GPN1: variants seen among roughly 807,000 people sequenced by gnomAD.
The protein encoded by GPN1 is GPN-loop GTPase 1.
GPN1 carries 44 observed loss-of-function variants against 55.9 expected under a neutral mutation model. The observed-to-expected ratio is 0.79, with a 90% CI of 0.62 to 1.01. The LOEUF is 1.01. Ranked by LOEUF, GPN1 falls within the 50% of genes least tolerant of loss-of-function variation. The pLI, the probability that GPN1 is intolerant of heterozygous loss-of-function variation, is 0.00. For synonymous variants in GPN1, 179 were observed against 162.5 expected, an observed-to-expected ratio of 1.10 and a Z score of -0.77; for missense variants, 466 against 462.8, an observed-to-expected ratio of 1.01 and a Z score of -0.06.
In GPN1 at chr2:27,636,909, G is replaced by A. The variant is rs554053444; in HGVS notation, c.525-1301G>A. On this transcript the variant is annotated intron_variant, in intron 7 of 13. Coordinates refer to ENST00000610189, the MANE Select transcript of GPN1 (RefSeq NM_007266.4). ...TGCTGCCCAGGCTGGTTTTGAACTC[G>A]TGGGCTCAGGCAGTCCTCCCAGCGT... is the stretch of plus-strand genomic sequence containing the variant. Among the ~76,000 whole-genome samples, 9 of 152,086 alleles carry A rather than the reference G, an allele frequency of 5.9e-5. No individual in the cohort carries two copies. In the East Asian group the frequency reaches 7.7e-4, roughly 13 times the overall value.
In GPN1 at chr2:27,643,573, A is replaced by G. The variant is rs962723918; in HGVS notation, c.931+1054A>G. On this transcript the variant is annotated intron_variant, in intron 12 of 13. Coordinates refer to ENST00000610189, the MANE Select transcript of GPN1 (RefSeq NM_007266.4). This position sits in a 1 kb window ranked among gnomAD's most constrained non-coding sequence, Gnocchi z 4.0. Reference sequence around the variant, plus strand: ...GCCATTTCCCCATGATAGCAGGAGAAAATCTGGATGTGCATTGTATTTAAT... The same window carrying G: ...GCCATTTCCCCATGATAGCAGGAGAGAATCTGGATGTGCATTGTATTTAAT... Among the ~76,000 whole-genome samples the G allele has an allele frequency of 5.9e-5, 9 of 152,314 alleles. No individual in the cohort carries two copies. Among genetic ancestry groups the G allele is most frequent in the African/African-American group, 2.2e-4 (9 of 41,564 alleles).
chr2:27,630,963 A>T (rs761923869), intron 2 of GPN1, 64 bp from the exon 3 acceptor site: 7 of 799,252 alleles, frequency 8.8e-6, no homozygotes, highest in African/African-American at 1.7e-5. Flanking sequence ...GGCCAGTTTT[A>T]CTTTCCTGGT....
At chr2:27,628,248 C>G (rs772690782), upstream of GPN1, 11 of 791,856 alleles carry the variant, frequency 1.4e-5, no homozygotes, top group Non-Finnish European at 2.0e-5. Context: ...TTACTGAACA[C>G]TGTTTGCAGC....
chr2:27,629,963 C>T lies in GPN1; in HGVS notation c.205+11C>T. 1 of 1,420,294 alleles carries T rather than the reference C, an allele frequency of 7.0e-7. No homozygotes were observed. Among genetic ancestry groups the T allele is most frequent in the Non-Finnish European group, 1.0e-6 (1 of 1,003,026 alleles). The allele number at this position is 1,420,294 out of a possible 1,614,324, so 88.0% of individuals were successfully genotyped here. On this transcript the variant is annotated intron_variant, in intron 2 of 13. Coordinates refer to ENST00000610189, the MANE Select transcript of GPN1 (RefSeq NM_007266.4). ...TTCCTGCCAATATTGGTGAGTAAAC[C>T]AGTAACATAACTTGTGTGCAGTGCT...
Position 27,642,549 on chromosome 2 carries a change from T to TA in GPN1, c.931+37dup, listed in dbSNP as rs528555640. On this transcript the variant is annotated intron_variant, in intron 12 of 13. Coordinates refer to ENST00000610189, the MANE Select transcript of GPN1 (RefSeq NM_007266.4). ...TGGAGGGTTTCTTGGTGTTAGGAACTAAAAAAAGGTTACACTTCTTTCTTT... is the reference window on the plus strand; with the variant it reads ...TGGAGGGTTTCTTGGTGTTAGGAACTAAAAAAAAGGTTACACTTCTTTCTTT... 6,837 of 1,264,158 alleles carry TA rather than the reference T, an allele frequency of 5.4e-3. 23 individuals carry two copies. Among genetic ancestry groups the TA allele is most frequent in the Middle Eastern group, 5.6e-3 (30 of 5,340 alleles). 78.3% of individuals were successfully genotyped at this position (1,264,158 alleles called of 1,614,324 possible).
intron 8 of GPN1, among the ~76,000 whole-genome samples, chr2:27,638,579 G>T (rs1673820808): frequency 1.3e-5 from 2 of 152,214 alleles, no homozygotes; most frequent in Non-Finnish European, 1.5e-5. Flanking sequence ...AAACTTCTCT[G>T]TTGGTTGATG....
Position 27,629,101 on chromosome 2 carries a change from G to C in GPN1, c.43G>C (p.Gly15Arg). The C allele has an allele frequency of 6.2e-7, 1 of 1,614,250 alleles. No individual in the cohort carries two copies. Among genetic ancestry groups the C allele is most frequent in the East Asian group, 2.2e-5 (1 of 44,882 alleles). ...AAAAELQASG[G>R]PRHPVCLLVL... Reference sequence around the variant, plus strand: ...TGCCGCTGAGCTCCAGGCTTCTGGGGGTCCGCGGCACCCAGTGTGTCTGTT... The same window carrying C: ...TGCCGCTGAGCTCCAGGCTTCTGGGCGTCCGCGGCACCCAGTGTGTCTGTT... The change falls in exon 1 of 14, where the codon GGT becomes CGT. Residue 15 changes from glycine to arginine, a missense_variant. Transcript: ENST00000610189.
intron 13 of GPN1, 129 bp from the exon 14 acceptor site, chr2:27,649,986 C>A: frequency 1.7e-6 from 1 of 591,724 alleles, no homozygotes; most frequent in Non-Finnish European, 3.1e-6. Flanking sequence ...GGAGACATTT[C>A]CTTTTTGAGG....
chr2:27,640,189 A>G, intron 10 of GPN1, 64 bp downstream of exon 10: 1 of 1,070,256 alleles, frequency 9.3e-7, no homozygotes, highest in Non-Finnish European at 1.4e-6. Flanking sequence ...ATATGAAAGC[A>G]GTTTTTCCAG....
At chr2:27,631,141 G>A (rs1417238292) in intron 3 of GPN1, 75 bp downstream of exon 3, 2 of 789,236 alleles carry the variant, frequency 2.5e-6, no homozygotes, top group African/African-American at 3.4e-5. Context: ...TTGAAAGAGT[G>A]TTTTTGCCTT....
chr2:27,630,968 C>G (rs1234193455), intron 2 of GPN1, 59 bp from the exon 3 acceptor site: 7 of 828,610 alleles, frequency 8.4e-6, no homozygotes, highest in Admixed American at 2.0e-5. Flanking sequence ...GTTTTACTTT[C>G]CTGGTGGTAG....
intron 9 of GPN1, 90 bp downstream of exon 9, chr2:27,639,121 C>T: frequency 9.8e-7 from 1 of 1,016,524 alleles, no homozygotes; most frequent in South Asian, 1.7e-5. Flanking sequence ...AGAAAGGAAG[C>T]TTATTACCTA....
chr2:27,645,188 C>T (rs1316864055), intron 12 of GPN1, among the ~76,000 whole-genome samples: 2 of 152,138 alleles, frequency 1.3e-5, no homozygotes, highest in African/African-American at 4.8e-5. Flanking sequence ...CCAGGCTGGT[C>T]TTGAACTCTT....
chr2:27,634,589 T>C (rs1673662226), intron 5 of GPN1, among the ~76,000 whole-genome samples: 2 of 152,218 alleles, frequency 1.3e-5, no homozygotes, highest in African/African-American at 2.4e-5. Context: ...GCATTGTGTT[T>C]CTATAAAAGT....
chr2:27,629,184 A>C lies in GPN1; in HGVS notation c.111+15A>C, dbSNP rs1673426885. ...CTTTTGTACAGGTGACGTACACAGC[A>C]TGGGTGTAGTAGGGGAGCGCAAAAG... On this transcript the variant is annotated intron_variant, in intron 1 of 13. Coordinates refer to ENST00000610189, the MANE Select transcript of GPN1 (RefSeq NM_007266.4). The C allele has an allele frequency of 6.2e-7, 1 of 1,613,478 alleles. No homozygotes were observed. Among genetic ancestry groups the C allele is most frequent in the South Asian group, 1.1e-5 (1 of 91,062 alleles).
intron 3 of GPN1, 83 bp downstream of exon 3, chr2:27,631,149 C>G: frequency 1.3e-6 from 1 of 755,838 alleles, no homozygotes; most frequent in Admixed American, 2.2e-5. Flanking sequence ...GTGTTTTTGC[C>G]TTTTCCTTGT....
Position 27,629,899 on chromosome 2 carries a change from A to G in GPN1, c.152A>G (p.Tyr51Cys), listed in dbSNP as rs1403323921. The G allele has an allele frequency of 3.7e-6, 6 of 1,610,666 alleles. No homozygotes were observed. The highest frequency in any genetic ancestry group is 5.1e-6 in the Non-Finnish European group (6 of 1,176,888). ...CTGCATGCCCAAGGCACTCCACCGT[A>G]TGTGATCAACCTGGATCCAGCAGTA... ...GHLHAQGTPP[Y>C]VINLDPAVHE... The change falls in exon 2 of 14, where the codon TAT becomes TGT. Residue 51 changes from tyrosine to cysteine, a missense_variant. Coordinates refer to ENST00000610189, the MANE Select transcript of GPN1 (RefSeq NM_007266.4).
intron 4 of GPN1, 24 bp downstream of exon 4, chr2:27,631,924 A>G: frequency 7.6e-7 from 1 of 1,312,846 alleles, no homozygotes; most frequent in Non-Finnish European, 1.1e-6. Flanking sequence ...TAGTATATTA[A>G]TATGGTTGTG....
rs1363058178 is a variant in GPN1 at position 27,629,909 on chromosome 2, C to A, written c.162C>A (p.Asn54Lys). 6.2e-7 allele frequency: 1 copy of A among 1,610,228 alleles called. No individual in the cohort carries two copies. Among genetic ancestry groups the A allele is most frequent in the Non-Finnish European group, 8.5e-7 (1 of 1,176,378 alleles). The change falls in exon 2 of 14, where the codon AAC becomes AAA. Residue 54 changes from asparagine to lysine, a missense_variant. Asn to Lys is a moderately conservative substitution (Grantham distance 94, BLOSUM62 0). Transcript: ENST00000610189. ...AAGGCACTCCACCGTATGTGATCAA[C>A]CTGGATCCAGCAGTACATGAAGTTC... ...HAQGTPPYVI[N>K]LDPAVHEVPF...
Sources: allele counts gnomAD v4.1 joint callset (sites outside exome capture counted in the v4.1 genomes callset), GRCh38; gene constraint gnomAD v4.1.1; non-coding constraint Gnocchi (gnomAD v3.1); transcripts MANE v1.5; gene names NCBI Gene and HGNC (gene_info 2026-07-23, HGNC 2026-07-21).